TSKS: variants seen among roughly 807,000 people sequenced by gnomAD.
The protein encoded by TSKS is testis specific serine kinase substrate, also known as testis-specific serine kinase substrate.
In TSKS, 27 loss-of-function variants were observed where a neutral mutation model predicts 68.0. The observed-to-expected ratio is 0.40, with a 90% CI of 0.29 to 0.55. The LOEUF (loss-of-function observed/expected upper bound fraction) is 0.55, where lower values mean the gene tolerates loss of function less well. Among genes scored for constraint, TSKS ranks in the 20% least tolerant of loss-of-function variants. The probability of loss-of-function intolerance (pLI) is 0.53; values close to 1 mark genes in which losing one functional copy is unlikely to be tolerated. For synonymous variants in TSKS, 331 were observed against 340.4 expected, an observed-to-expected ratio of 0.97 and a Z score of 0.30; for missense variants, 806 against 776.0, an observed-to-expected ratio of 1.04 and a Z score of -0.46.
intron 2 of TSKS, among the ~76,000 whole-genome samples, chr19:49,751,053 C>T (rs946596078): frequency 2.6e-5 from 4 of 151,936 alleles, no homozygotes; most frequent in African/African-American, 9.7e-5. Flanking sequence ...CCTGTAATCC[C>T]AGCACTTTGG....
At chr19:49,753,925 C>G (rs1291005859) in intron 2 of TSKS, among the ~76,000 whole-genome samples, 2 of 149,578 alleles carry the variant, frequency 1.3e-5, no homozygotes, top group African/African-American at 2.4e-5. Context: ...CCCTCTGTCC[C>G]CCAGGCTGGA....
chr19:49,748,308 CAGG>C, intron 3 of TSKS, 63 bp downstream of exon 3: 1 of 1,580,722 alleles, frequency 6.3e-7, no homozygotes, highest in East Asian at 2.2e-5. Context: ...CTGCTGGAGG[CAGG>C]CTCCAAGAAG....
chr19:49,744,447 G>T (rs767508848), intron 7 of TSKS, 43 bp from the exon 8 acceptor site: 1 of 1,583,224 alleles, frequency 6.3e-7, no homozygotes, highest in Non-Finnish European at 8.6e-7. Flanking sequence ...TCTCTTCAGC[G>T]GTATAACCCT....
intron 6 of TSKS, among the ~76,000 whole-genome samples, chr19:49,745,951 A>T (rs2084295197): frequency 6.6e-6 from 1 of 152,130 alleles, no homozygotes; most frequent in South Asian, 2.1e-4. Context: ...TGGGAGGCCG[A>T]GGCGGGCGGA....
intron 8 of TSKS, among the ~76,000 whole-genome samples, chr19:49,743,377 CTTTTTATTTTA>C (rs2084268278): frequency 2.6e-5 from 4 of 151,856 alleles, no homozygotes; most frequent in Non-Finnish European, 4.4e-5. Context: ...TGCGTCCACC[CTTTTTATTTTA>C]TTTTTATTTT....
chr19:49,760,242 G>A (rs2084429285), intron 2 of TSKS, among the ~76,000 whole-genome samples: 1 of 152,092 alleles, frequency 6.6e-6, no homozygotes, highest in Non-Finnish European at 1.5e-5. Context: ...ACTTTGGGAG[G>A]CTGAGGCCCA....
intron 8 of TSKS, among the ~76,000 whole-genome samples, chr19:49,743,269 G>T (rs2084267179): frequency 6.6e-6 from 1 of 151,538 alleles, no homozygotes; most frequent in South Asian, 2.1e-4. Context: ...AGTAGAGATG[G>T]GGTCTCACCA....
intron 2 of TSKS, among the ~76,000 whole-genome samples, chr19:49,753,079 A>G (rs1212573864): frequency 3.9e-5 from 6 of 152,238 alleles, no homozygotes; most frequent in Non-Finnish European, 8.8e-5. Flanking sequence ...GTGGCCAAAC[A>G]TGACAAAGAA....
intron 10 of TSKS, 43 bp downstream of exon 10, chr19:49,740,016 C>T (rs2084238556): frequency 6.2e-7 from 1 of 1,613,004 alleles, no homozygotes; most frequent in South Asian, 1.1e-5. Flanking sequence ...GCCCTTTCCC[C>T]AAGATCTCAC....
chr19:49,752,705 A>G (rs554659488), intron 2 of TSKS, among the ~76,000 whole-genome samples: 2 of 152,376 alleles, frequency 1.3e-5, no homozygotes, highest in South Asian at 2.1e-4. Context: ...GGTAAACAAT[A>G]AAAAGCAAAA....
At chr19:49,749,988 T>A (rs2084335690) in intron 2 of TSKS, among the ~76,000 whole-genome samples, 1 of 152,072 alleles carries the variant, frequency 6.6e-6, no homozygotes, top group Non-Finnish European at 1.5e-5. Flanking sequence ...ATAGTCAATT[T>A]CTGAGTCATC....
rs757213011 is a variant in TSKS at position 49,746,688 on chromosome 19, C to A, written c.774G>T (p.Pro258=). ...CAGCCTCCGGCTTCTGCTTCTCCTC[C>A]GGCTCCTGCTTCTCCTCCGGCTCCT... ...EKQEPEEKQE[P]EEKQKPEAGL... is the part of the protein sequence containing the mutation. The change falls in exon 6 of 11, where the codon CCG becomes CCT. Residue 258 remains proline, a synonymous_variant. Transcript: ENST00000246801. 7.7e-7 allele frequency: 1 copy of A among 1,296,806 alleles called. No individual in the cohort carries two copies. The highest frequency in any genetic ancestry group is 1.9e-5 in the Admixed American group (1 of 52,386). The allele number at this position is 1,296,806 out of a possible 1,614,324, so 80.3% of individuals were successfully genotyped here. A position where few individuals can be genotyped will look rare whatever the true frequency, so the allele number is the denominator to read the frequency against.
intron 9 of TSKS, among the ~76,000 whole-genome samples, chr19:49,740,548 G>A (rs2084243675): frequency 6.6e-6 from 1 of 152,118 alleles, no homozygotes; most frequent in South Asian, 2.1e-4. Flanking sequence ...CCATAATTTG[G>A]AAGACCCCAC....
chr19:49,752,110 G>C (rs115983508), intron 2 of TSKS, among the ~76,000 whole-genome samples: 3 of 151,058 alleles, frequency 2.0e-5, no homozygotes, highest in African/African-American at 7.3e-5. Flanking sequence ...CAGGCTGAGC[G>C]TGGTGGTTCA....
At chr19:49,761,891 G>T in intron 2 of TSKS, 113 bp downstream of exon 2, 1 of 832,562 alleles carries the variant, frequency 1.2e-6, no homozygotes, top group Non-Finnish European at 1.9e-6. Flanking sequence ...GGTCTCGAAT[G>T]ACCAGAACAT....
intron 2 of TSKS, among the ~76,000 whole-genome samples, chr19:49,756,502 G>T: frequency 6.7e-6 from 1 of 149,608 alleles, no homozygotes; most frequent in East Asian, 2.0e-4. Flanking sequence ...AGAATAAAAG[G>T]GAAAAAAAAC....
chr19:49,752,468 A>G (rs1441532498), intron 2 of TSKS, among the ~76,000 whole-genome samples: 1 of 151,344 alleles, frequency 6.6e-6, no homozygotes, highest in Non-Finnish European at 1.5e-5. Flanking sequence ...ACCTTTTGCT[A>G]TGAGGCCCTC....
intron 8 of TSKS, among the ~76,000 whole-genome samples, chr19:49,742,377 T>G (rs544298994): frequency 6.6e-6 from 1 of 152,150 alleles, no homozygotes; most frequent in Non-Finnish European, 1.5e-5. Context: ...TTTGTATTTT[T>G]AGTAGAGACG....
At chr19:49,748,266 C>G (rs2084319657) in intron 3 of TSKS, 98 bp from the exon 4 acceptor site, 1 of 1,563,262 alleles carries the variant, frequency 6.4e-7, no homozygotes, top group African/African-American at 1.4e-5. Context: ...CTTTCTGAGC[C>G]TCAAGCTCCC....
Sources: allele counts gnomAD v4.1 joint callset (sites outside exome capture counted in the v4.1 genomes callset), GRCh38; gene constraint gnomAD v4.1.1; transcripts MANE v1.5; gene names NCBI Gene and HGNC (gene_info 2026-07-23, HGNC 2026-07-21).